The following ATRX variants were observed in gnomAD, a reference collection of about 807,000 sequenced individuals.
ATRX encodes the protein chromatin remodeler ATRX.
A neutral mutation model predicts 172.6 loss-of-function variants in ATRX; 12 were observed. That is an observed-to-expected ratio of 0.07 (90% CI 0.04 to 0.11). The LOEUF is 0.11. Ranked by LOEUF, ATRX falls within the 10% of genes least tolerant of loss-of-function variation. The probability of loss-of-function intolerance (pLI) is 1.00; values close to 1 mark genes in which losing one functional copy is unlikely to be tolerated. For missense variants in ATRX, 1,368 were observed against 1,767.4 expected (o/e 0.77, Z 4.05); for synonymous variants, 674 against 594.7 (o/e 1.13, Z -1.94).
chrX:77,738,850 C>T (rs538557933), intron 1 of ATRX, among the ~76,000 whole-genome samples: 77 of 110,709 alleles, frequency 7.0e-4, no homozygotes, highest in South Asian at 3.1e-3. Flanking sequence ...GGCATGTTCC[C>T]GGCTAAAACT....
rs2062684533 is a variant in ATRX, at chrX:77,505,081, T to C, written c.*3270A>G. On this transcript the variant is annotated 3_prime_UTR_variant, in exon 35 of 35. Transcript: ENST00000373344. ...CCAAGTCACTTGAGACTGAGTCTGGTGAAATAAAGTAGTAAATACCCTGAA... is the reference window on the plus strand; with the variant it reads ...CCAAGTCACTTGAGACTGAGTCTGGCGAAATAAAGTAGTAAATACCCTGAA... 6.0e-6 allele frequency: 1 copy of C among 167,640 alleles called. No homozygotes were observed. The highest frequency in any genetic ancestry group is 3.3e-4 in the South Asian group (1 of 3,025). The allele number at this position is 167,640 out of a possible 1,213,427, so 13.8% of individuals were successfully genotyped here.
chrX:77,717,168 T>C lies in ATRX; in HGVS notation c.96A>G (p.Thr32=), dbSNP rs199948087. 5.0e-6 allele frequency: 6 copies of C among 1,209,176 alleles called. No individual in the cohort carries two copies. In the Admixed American group the frequency reaches 1.3e-4, roughly 26 times the overall value. Residue 32 remains threonine, a synonymous_variant, in exon 2 of 35, where the codon ACA becomes ACG. Coordinates refer to ENST00000373344, the MANE Select transcript of ATRX (RefSeq NM_000489.6). The part of the protein sequence containing the change: ...LAHSSEESEE[T]SSPPRLAMNQ... ...TCATTGCAAGTCGTGGAGGAGAACT[T>C]GTTTCTTCAGATTCTTCTGATGAGT... is the stretch of plus-strand genomic sequence containing the variant.
At chrX:77,746,422 T>A (rs782225146) in intron 1 of ATRX, among the ~76,000 whole-genome samples, 12 of 112,066 alleles carry the variant, frequency 1.1e-4, no homozygotes, top group African/African-American at 3.9e-4. Context: ...ATATACTTAT[T>A]GTATTTGAGC....
At chrX:77,663,683 T>C in intron 11 of ATRX, 125 bp from the exon 12 acceptor site, 1 of 541,360 alleles carries the variant, frequency 1.8e-6, no homozygotes, top group Non-Finnish European at 3.0e-6. Flanking sequence ...TACTTTGGTA[T>C]CATTGGTGTT....
intron 1 of ATRX, among the ~76,000 whole-genome samples, chrX:77,732,945 T>C (rs1348393184): frequency 9.0e-6 from 1 of 111,335 alleles, no homozygotes; most frequent in African/African-American, 3.3e-5. Flanking sequence ...GAGAAAGAAA[T>C]AAGGGAAAGG....
intron 2 of ATRX, among the ~76,000 whole-genome samples, chrX:77,715,577 G>A (rs1927189179): frequency 8.9e-6 from 1 of 112,308 alleles, no homozygotes; most frequent in Admixed American, 9.4e-5. Flanking sequence ...TAAGTGAGCT[G>A]CCAGTGTTAC....
chrX:77,739,866 A>G (rs1557181145), intron 1 of ATRX, among the ~76,000 whole-genome samples: 6 of 108,511 alleles, frequency 5.5e-5, no homozygotes, highest in Non-Finnish European at 1.9e-5. Context: ...CCTGGCCAAC[A>G]TGACGAAACC....
intron 1 of ATRX, among the ~76,000 whole-genome samples, chrX:77,759,736 A>G (rs1455184279): frequency 1.8e-5 from 2 of 111,239 alleles, no homozygotes; most frequent in Non-Finnish European, 3.8e-5. Context: ...TAAAAATAAA[A>G]TAATAATAAA....
chrX:77,551,303 A>T (rs1413366968), intron 30 of ATRX, among the ~76,000 whole-genome samples: 3 of 111,685 alleles, frequency 2.7e-5, no homozygotes, highest in Admixed American at 9.5e-5. Context: ...GCCCTCGGAA[A>T]CAATATCACA....
At chrX:77,642,191 T>C (rs1557111530) in intron 15 of ATRX, among the ~76,000 whole-genome samples, 1 of 111,092 alleles carries the variant, frequency 9.0e-6, no homozygotes, top group African/African-American at 3.3e-5. Context: ...TAAGACCCTG[T>C]CTCTAAAACA....
Position 77,684,608 on chromosome X carries a change from A to T in ATRX, c.663-15T>A. ...CCGCACACCACCTGAAATGTTTTAA[A>T]GATTAAAACATTATTCCCTTCTTTC... On this transcript the variant is annotated splice_polypyrimidine_tract_variant and intron_variant, in intron 8 of 34. Transcript: ENST00000373344. The T allele has an allele frequency of 8.4e-7, 1 of 1,187,271 alleles. No individual in the cohort carries two copies. The highest frequency in any genetic ancestry group is 1.1e-6 in the Non-Finnish European group (1 of 874,252).
intron 30 of ATRX, among the ~76,000 whole-genome samples, chrX:77,545,077 T>C (rs1324491414): frequency 8.9e-6 from 1 of 112,523 alleles, no homozygotes; most frequent in Non-Finnish European, 1.9e-5. Flanking sequence ...ATCTAGCTTT[T>C]CAAAAGAGTA....
At chrX:77,769,334 G>A (rs889993651) in intron 1 of ATRX, among the ~76,000 whole-genome samples, 3 of 107,461 alleles carry the variant, frequency 2.8e-5, no homozygotes, top group Admixed American at 1.0e-4. Context: ...CCAGGCTGGA[G>A]TGCAGTGGTG....
chrX:77,658,397 CAAAGT>C (rs1299561144), intron 12 of ATRX, among the ~76,000 whole-genome samples: 6 of 111,759 alleles, frequency 5.4e-5, no homozygotes, highest in African/African-American at 2.0e-4. Flanking sequence ...TCAAGGTCAT[CAAAGT>C]AAAGACTGAG....
At chrX:77,651,021 T>A (rs1328615252) in intron 15 of ATRX, among the ~76,000 whole-genome samples, 6 of 110,423 alleles carry the variant, frequency 5.4e-5, no homozygotes, top group Non-Finnish European at 9.5e-5. Context: ...AGAATATGAT[T>A]TCTGAGATTT....
At chrX:77,533,811 A>G (rs1286688798) in intron 30 of ATRX, among the ~76,000 whole-genome samples, 1 of 112,275 alleles carries the variant, frequency 8.9e-6, no homozygotes, top group East Asian at 2.8e-4. Context: ...AAGTATATGT[A>G]GTTTTGAAAC....
At chrX:77,765,352 G>T (rs1243402022) in intron 1 of ATRX, among the ~76,000 whole-genome samples, 1 of 112,297 alleles carries the variant, frequency 8.9e-6, no homozygotes, top group Non-Finnish European at 1.9e-5. Context: ...TATTGTCACA[G>T]CAATAGAAGT....
chrX:77,587,303 A>C (rs1557077650), intron 27 of ATRX, among the ~76,000 whole-genome samples: 1 of 111,214 alleles, frequency 9.0e-6, no homozygotes, highest in African/African-American at 3.3e-5. Context: ...CCAGGTATGC[A>C]AGGTTGGTTT....
At chrX:77,662,756 A>T (rs782031133) in intron 12 of ATRX, among the ~76,000 whole-genome samples, 2 of 111,267 alleles carry the variant, frequency 1.8e-5, no homozygotes, top group African/African-American at 6.5e-5. Flanking sequence ...GCAATGGCGC[A>T]ATCTCAGCTC....
Sources: allele counts gnomAD v4.1 joint callset (sites outside exome capture counted in the v4.1 genomes callset), GRCh38; gene constraint gnomAD v4.1.1; transcripts MANE v1.5; gene names NCBI Gene and HGNC (gene_info 2026-07-23, HGNC 2026-07-21).